Variants in CFAP210 observed in about 807,000 individuals in gnomAD.
CFAP210 encodes the protein cilia- and flagella- associated protein 210.
At chr2:169,685,581 T>C in the CFAP210 span, among the ~76,000 whole-genome samples, 1 of 152,144 alleles carries the variant, frequency 6.6e-6, no homozygotes, top group Non-Finnish European at 1.5e-5. Flanking sequence ...TAGTGTTCTT[T>C]GATGTATTAA....
At chr2:169,677,170 G>T in the CFAP210 span, among the ~76,000 whole-genome samples, 1 of 152,160 alleles carries the variant, frequency 6.6e-6, no homozygotes, top group Non-Finnish European at 1.5e-5. Context: ...AAGCTGCCTT[G>T]GTTCTTCACA....
the CFAP210 span, among the ~76,000 whole-genome samples, chr2:169,663,138 C>T: frequency 6.6e-6 from 1 of 152,176 alleles, no homozygotes; most frequent in African/African-American, 2.4e-5. Flanking sequence ...GGCCCTTCAT[C>T]CAGCAGCCAA....
the CFAP210 span, among the ~76,000 whole-genome samples, chr2:169,689,189 T>G: frequency 2.0e-5 from 3 of 152,156 alleles, no homozygotes; most frequent in Non-Finnish European, 4.4e-5. Flanking sequence ...CTCCCACAAC[T>G]CATGGGAATT....
chr2:169,689,861 C>T, the CFAP210 span, among the ~76,000 whole-genome samples: 1 of 152,034 alleles, frequency 6.6e-6, no homozygotes, highest in Admixed American at 6.5e-5. Flanking sequence ...TAGTTTTGTT[C>T]CTTATTCTAT....
chr2:169,652,717 C>T, the CFAP210 span, among the ~76,000 whole-genome samples: 9 of 151,920 alleles, frequency 5.9e-5, no homozygotes, highest in East Asian at 1.2e-3. Context: ...AAAAAATAGC[C>T]GGGCGCAGTG....
At chr2:169,653,065 T>TATATATATATATAG in the CFAP210 span, among the ~76,000 whole-genome samples, 1 of 99,434 alleles carries the variant, frequency 1.0e-5, no homozygotes, top group Non-Finnish European at 2.0e-5. Context: ...TATATATATA[T>TATATATATATATAG]ATGTATGTGT....
the CFAP210 span, chr2:169,661,080 C>T: frequency 7.2e-5 from 39 of 541,020 alleles, no homozygotes; most frequent in Non-Finnish European, 1.0e-4. Flanking sequence ...GAGAATATGG[C>T]GTACTTGTCA....
chr2:169,687,308 G>A, the CFAP210 span, among the ~76,000 whole-genome samples: 56 of 152,186 alleles, frequency 3.7e-4, no homozygotes, highest in Admixed American at 8.5e-4. Flanking sequence ...ACTCATTTCA[G>A]CATTAACCCA....
At chr2:169,656,964 C>CAAAAAAAAAAAA in the CFAP210 span, among the ~76,000 whole-genome samples, 1 of 40,332 alleles carries the variant, frequency 2.5e-5, no homozygotes, top group Non-Finnish European at 3.9e-5. Context: ...GACTCCATCT[C>CAAAAAAAAAAAA]AAAAAAAAAA....
At chr2:169,651,256 G>A in the CFAP210 span, among the ~76,000 whole-genome samples, 4 of 147,178 alleles carry the variant, frequency 2.7e-5, no homozygotes, top group South Asian at 2.2e-4. Flanking sequence ...TTAGCCAAGC[G>A]CAGTGGCACG....
chr2:169,653,213 A>C, the CFAP210 span, among the ~76,000 whole-genome samples: 1 of 151,092 alleles, frequency 6.6e-6, no homozygotes, highest in African/African-American at 2.4e-5. Context: ...TGAGAAGGTA[A>C]TATTTAAGTA....
At chr2:169,659,939 T>C in the CFAP210 span, among the ~76,000 whole-genome samples, 1 of 152,220 alleles carries the variant, frequency 6.6e-6, no homozygotes, top group South Asian at 2.1e-4. Flanking sequence ...TATTGACATA[T>C]AGTTGCTCAT....
the CFAP210 span, chr2:169,650,460 G>C: frequency 6.2e-6 from 10 of 1,602,080 alleles, no homozygotes; most frequent in Admixed American, 3.4e-5. Context: ...TCATTGTCAA[G>C]TTTCTCTTTC....
chr2:169,673,258 G>A, the CFAP210 span, among the ~76,000 whole-genome samples: 1 of 152,316 alleles, frequency 6.6e-6, no homozygotes, highest in African/African-American at 2.4e-5. Context: ...AAGGCTATAG[G>A]AGGATAGACA....
the CFAP210 span, among the ~76,000 whole-genome samples, chr2:169,676,620 A>G: frequency 6.6e-6 from 1 of 152,132 alleles, no homozygotes; most frequent in Non-Finnish European, 1.5e-5. Flanking sequence ...TTTTTTCAGA[A>G]TGTCGTATGT....
At chr2:169,651,942 C>T in the CFAP210 span, among the ~76,000 whole-genome samples, 1 of 151,576 alleles carries the variant, frequency 6.6e-6, no homozygotes, top group East Asian at 1.9e-4. Flanking sequence ...AAACTCCTGG[C>T]CTCAAGCAAT....
the CFAP210 span, among the ~76,000 whole-genome samples, chr2:169,673,612 T>C: frequency 3.6e-4 from 55 of 152,174 alleles, no homozygotes; most frequent in Non-Finnish European, 8.8e-5. Flanking sequence ...TACAGGTATG[T>C]GAAAAAAGCA....
the CFAP210 span, chr2:169,661,030 T>C: frequency 2.0e-6 from 1 of 499,934 alleles, no homozygotes; most frequent in South Asian, 1.6e-5. Context: ...TTCTGAAAAC[T>C]CTTTAGCAGA....
the CFAP210 span, among the ~76,000 whole-genome samples, chr2:169,690,225 T>C: frequency 2.0e-5 from 3 of 152,246 alleles, no homozygotes; most frequent in Non-Finnish European, 4.4e-5. Flanking sequence ...TAATGATCTA[T>C]AGTTTTCTTG....
Sources: allele counts gnomAD v4.1 joint callset (sites outside exome capture counted in the v4.1 genomes callset), GRCh38; gene constraint gnomAD v4.1.1; transcripts MANE v1.5; gene names NCBI Gene and HGNC (gene_info 2026-07-23, HGNC 2026-07-21).